Variants in DOCK1 observed in about 807,000 individuals in gnomAD.
DOCK1 encodes the protein dedicator of cytokinesis 1.
In DOCK1, 138 loss-of-function variants were observed where a neutral mutation model predicts 262.7. The ratio of observed to expected loss-of-function variants is 0.53; its 90% confidence interval spans 0.46 to 0.61. The LOEUF (loss-of-function observed/expected upper bound fraction) is 0.61, where lower values mean the gene tolerates loss of function less well. Among genes scored for constraint, DOCK1 ranks in the 20% least tolerant of loss-of-function variants. The pLI is 0.00. For missense variants in DOCK1, 1,908 were observed against 2,370.7 expected (o/e 0.80, Z 4.05); for synonymous variants, 866 against 867.4 (o/e 1.00, Z 0.03).
chr10:127,156,878 C>A (rs1004635763), intron 27 of DOCK1, among the ~76,000 whole-genome samples: 1 of 152,138 alleles, frequency 6.6e-6, no homozygotes, highest in Non-Finnish European at 1.5e-5. Flanking sequence ...CGAGATATTG[C>A]TCTTCTAAAG....
chr10:127,294,130 TACTG>T (rs1384469251), intron 29 of DOCK1, among the ~76,000 whole-genome samples: 1 of 152,192 alleles, frequency 6.6e-6, no homozygotes. Flanking sequence ...CATTTTGTGT[TACTG>T]ACCCTCTCTC....
At chr10:127,049,399 T>C (rs1473793073) in intron 21 of DOCK1, among the ~76,000 whole-genome samples, 1 of 152,096 alleles carries the variant, frequency 6.6e-6, no homozygotes, top group Non-Finnish European at 1.5e-5. Context: ...TGGGCACCTG[T>C]AATCCCAGCT....
chr10:127,443,429 T>C (rs948022206), intron 49 of DOCK1, among the ~76,000 whole-genome samples: 1 of 152,112 alleles, frequency 6.6e-6, no homozygotes, highest in Non-Finnish European at 1.5e-5. Context: ...GTTGTGGTTT[T>C]TATATTGGAC....
At chr10:127,011,094 C>T (rs1042057820) in intron 11 of DOCK1, among the ~76,000 whole-genome samples, 2 of 152,256 alleles carry the variant, frequency 1.3e-5, no homozygotes, top group East Asian at 1.9e-4. Context: ...AGTGGAATGT[C>T]CACTTGAAAA....
At position 127,437,655 on chromosome 10, in the gene DOCK1, G is replaced by A. The variant is rs960706726; in HGVS notation, c.5061-1372G>A. ...CACCATGCCCAGCTAATTTTTGTAC[G>A]TTTTATCGAGACTGGATCTTGCCAT... On this transcript the variant is annotated intron_variant, in intron 48 of 51. Transcript: ENST00000623213. This position sits in a 1 kb window ranked among gnomAD's most constrained non-coding sequence, Gnocchi z 4.4. Among the ~76,000 whole-genome samples, 7 of 151,900 alleles carry A rather than the reference G, an allele frequency of 4.6e-5. No homozygotes were observed. The highest frequency in any genetic ancestry group is 1.2e-4 in the African/African-American group (5 of 41,370).
chr10:127,071,067 A>T (rs2046203607), intron 23 of DOCK1, among the ~76,000 whole-genome samples: 1 of 152,284 alleles, frequency 6.6e-6, no homozygotes, highest in Admixed American at 6.5e-5. Flanking sequence ...CAAGTGTGTC[A>T]TGTTAAGAAA....
chr10:127,024,824 T>C, intron 15 of DOCK1, 41 bp downstream of exon 15: 1 of 1,506,204 alleles, frequency 6.6e-7, no homozygotes, highest in Non-Finnish European at 9.0e-7. Flanking sequence ...GCGCTGATTA[T>C]GAAATGCTCA....
intron 33 of DOCK1, among the ~76,000 whole-genome samples, chr10:127,365,420 A>G (rs1212147001): frequency 1.3e-5 from 2 of 152,216 alleles, no homozygotes; most frequent in Non-Finnish European, 2.9e-5. Flanking sequence ...CTGCCAACTC[A>G]TTGGAACTAC....
rs1045799631 is a variant in DOCK1 at position 127,036,192 on chromosome 10, A to G, written c.1913-1527A>G. Reference sequence around the variant, plus strand: ...TTGTGAATCAGGCAACACTGTACCCATGGTTCAGATGAGAACACTGAGGTG... The same window carrying G: ...TTGTGAATCAGGCAACACTGTACCCGTGGTTCAGATGAGAACACTGAGGTG... On this transcript the variant is annotated intron_variant, in intron 18 of 51. Coordinates refer to ENST00000623213, the MANE Select transcript of DOCK1 (RefSeq NM_001290223.2). Among the ~76,000 whole-genome samples, 6 of 152,152 alleles carry G rather than the reference A, an allele frequency of 3.9e-5. No homozygotes were observed. The South Asian group carries it at 1.0e-3, about 26-fold the overall frequency.
intron 1 of DOCK1, among the ~76,000 whole-genome samples, chr10:126,929,849 A>G (rs2034051940): frequency 6.6e-6 from 1 of 152,220 alleles, no homozygotes; most frequent in Admixed American, 6.5e-5. Context: ...ACCGTTAACA[A>G]GAACAATTCA....
At chr10:126,970,639 C>T (rs1026106852) in intron 1 of DOCK1, 63 bp from the exon 2 acceptor site, 32 of 1,319,188 alleles carry the variant, frequency 2.4e-5, no homozygotes, top group African/African-American at 2.3e-4. Flanking sequence ...CAAGCCAACA[C>T]GACTCAGCAT....
At chr10:126,910,468 T>TTCCC (rs984016643) in intron 1 of DOCK1, among the ~76,000 whole-genome samples, 3 of 151,772 alleles carry the variant, frequency 2.0e-5, no homozygotes, top group Admixed American at 2.0e-4. Context: ...CCCACCCTCC[T>TTCCC]TCCCTCCCTC....
intron 1 of DOCK1, among the ~76,000 whole-genome samples, chr10:126,945,935 A>G (rs1427724783): frequency 6.6e-6 from 1 of 152,164 alleles, no homozygotes; most frequent in Non-Finnish European, 1.5e-5. Flanking sequence ...TGGAATGCTC[A>G]GGTGTGGTTT....
In DOCK1 at chr10:127,101,745, C is replaced by T. The variant is rs552331037; in HGVS notation, c.2446-4486C>T. 2.7e-4 allele frequency among the ~76,000 whole-genome samples: 41 copies of T among 152,244 alleles called. No homozygotes were observed. The South Asian group carries it at 7.9e-3, about 29-fold the overall frequency. ...CATAAAGGCCTGTCTTGTTTGTGGC[C>T]GATTCACCCTGGTGAAATGGTATTT... On this transcript the variant is annotated intron_variant, in intron 23 of 51. Transcript: ENST00000623213.
At position 127,008,186 on chromosome 10, in the gene DOCK1, C is replaced by T. The variant is rs1352214827; in HGVS notation, c.986-546C>T. ...GAATTCTGTTCACTGCAACCTCCAC[C>T]TCCTGGGCCCAAGCAAGTCTCCCAT... On this transcript the variant is annotated intron_variant, in intron 10 of 51. Coordinates refer to ENST00000623213, the MANE Select transcript of DOCK1 (RefSeq NM_001290223.2). Among the ~76,000 whole-genome samples the T allele has an allele frequency of 3.3e-5, 5 of 152,264 alleles. No individual in the cohort carries two copies. In the East Asian group the frequency reaches 9.7e-4, roughly 29 times the overall value.
chr10:127,095,736 A>G (rs962137888), intron 23 of DOCK1, among the ~76,000 whole-genome samples: 2 of 152,132 alleles, frequency 1.3e-5, no homozygotes, highest in Non-Finnish European at 2.9e-5. Flanking sequence ...GCAGTCCTGC[A>G]CAGTGAAGAC....
intron 42 of DOCK1, among the ~76,000 whole-genome samples, chr10:127,410,294 T>G (rs1260901926): frequency 2.0e-5 from 3 of 152,200 alleles, no homozygotes; most frequent in Non-Finnish European, 4.4e-5. Flanking sequence ...CCTTCTCAGA[T>G]GCAGTAGTTT....
chr10:127,313,576 G>A (rs992414718), intron 29 of DOCK1, among the ~76,000 whole-genome samples: 2 of 152,082 alleles, frequency 1.3e-5, no homozygotes, highest in Non-Finnish European at 2.9e-5. Flanking sequence ...AGACCTAACC[G>A]TACCCTTCAG....
intron 27 of DOCK1, among the ~76,000 whole-genome samples, chr10:127,179,047 A>G (rs538640259): frequency 6.6e-5 from 10 of 152,290 alleles, no homozygotes; most frequent in African/African-American, 2.4e-4. Context: ...TACTAGGGAA[A>G]ATTTGAAAGA....
Sources: gnomAD v4.1 joint callset for allele counts (sites outside exome capture counted in the v4.1 genomes callset) on GRCh38, gnomAD v4.1.1 for gene constraint, Gnocchi (gnomAD v3.1) non-coding constraint, MANE v1.5 for transcripts, NCBI Gene and HGNC (gene_info 2026-07-23, HGNC 2026-07-21) for gene names.